Variants in CRADD observed in about 807,000 individuals in gnomAD.
The protein encoded by CRADD is death domain-containing protein CRADD.
CRADD carries 9 observed loss-of-function variants against 15.5 expected under a neutral mutation model. The observed-to-expected ratio is 0.58, with a 90% CI of 0.35 to 1.01. The LOEUF (loss-of-function observed/expected upper bound fraction) is 1.01. Ranked by LOEUF, CRADD falls within the 50% of genes least tolerant of loss-of-function variation. The pLI, the probability that CRADD is intolerant of heterozygous loss-of-function variation, is 0.02. For synonymous variants in CRADD, 118 were observed against 107.6 expected (o/e 1.10, Z -0.60); for missense variants, 227 against 250.3 (o/e 0.91, Z 0.63).
intron 2 of CRADD, among the ~76,000 whole-genome samples, chr12:93,890,789 C>T (rs1410199740): frequency 2.3e-4 from 34 of 149,046 alleles, no homozygotes; most frequent in Non-Finnish European, 1.2e-4. Flanking sequence ...GACAGAGTCT[C>T]CCTCTGTCAC....
chr12:93,802,342 G>A (rs531292599), intron 2 of CRADD, among the ~76,000 whole-genome samples: 22 of 152,266 alleles, frequency 1.4e-4, no homozygotes, highest in African/African-American at 5.3e-4. Context: ...CCACATCCAT[G>A]CCCACATCTA....
At chr12:93,828,795 T>G (rs911028791) in intron 2 of CRADD, among the ~76,000 whole-genome samples, 18 of 152,358 alleles carry the variant, frequency 1.2e-4, no homozygotes, top group African/African-American at 4.3e-4. Flanking sequence ...TCAAAATTAT[T>G]TTGGCTCTTC....
rs1957326398 is a variant in CRADD, at chr12:93,789,608, G to A, written c.299-60362G>A. 2.0e-5 allele frequency among the ~76,000 whole-genome samples: 3 copies of A among 152,176 alleles called. No homozygotes were observed. The East Asian group carries it at 5.8e-4, about 29-fold the overall frequency. Reference sequence around the variant, plus strand: ...ATGAGGCATAGAGTGTGGTGGAAGGGAGGGATGACAAAGGGGCAGGCAGAG... The same window carrying A: ...ATGAGGCATAGAGTGTGGTGGAAGGAAGGGATGACAAAGGGGCAGGCAGAG... On this transcript the variant is annotated intron_variant, in intron 2 of 2. Transcript: ENST00000332896.
At chr12:93,890,797 C>A (rs1463408769) in intron 2 of CRADD, among the ~76,000 whole-genome samples, 1 of 149,034 alleles carries the variant, frequency 6.7e-6, no homozygotes, top group Non-Finnish European at 1.5e-5. Context: ...CTCCCTCTGT[C>A]ACCCAGGCTA....
intron 2 of CRADD, chr12:93,737,603 C>T (rs1956593340): frequency 6.6e-6 from 1 of 152,164 alleles, no homozygotes; most frequent in East Asian, 1.9e-4. Context: ...TTCAGTGTCA[C>T]CTTTTCTCCA....
downstream of CRADD, among the ~76,000 whole-genome samples, chr12:93,852,057 T>G (rs1485618669): frequency 3.3e-5 from 5 of 152,238 alleles, no homozygotes; most frequent in Non-Finnish European, 7.3e-5. Context: ...GCCCAGCCAA[T>G]AATTCATTAT....
At chr12:93,778,614 A>G (rs1957165452) in intron 2 of CRADD, among the ~76,000 whole-genome samples, 1 of 152,152 alleles carries the variant, frequency 6.6e-6, no homozygotes, top group South Asian at 2.1e-4. Flanking sequence ...TGAAGAATAA[A>G]ATGTTGACAG....
chr12:93,778,894 T>G (rs1957169523), intron 2 of CRADD, among the ~76,000 whole-genome samples: 1 of 152,196 alleles, frequency 6.6e-6, no homozygotes, highest in African/African-American at 2.4e-5. Flanking sequence ...CACCACTTAC[T>G]GAGTTGAGGG....
At chr12:93,861,974 G>A (rs577302295) in intron 2 of CRADD, among the ~76,000 whole-genome samples, 110 of 152,176 alleles carry the variant, frequency 7.2e-4, no homozygotes, top group Non-Finnish European at 7.2e-4. Flanking sequence ...TACTTTTCTC[G>A]TGGTAGTGAG....
At chr12:93,842,127 T>TG (rs1339392790) in intron 2 of CRADD, among the ~76,000 whole-genome samples, 1 of 25,218 alleles carries the variant, frequency 4.0e-5, no homozygotes, top group Non-Finnish European at 1.3e-4. Flanking sequence ...GCACCTCTTC[T>TG]TAGCCGTTGG....
intron 2 of CRADD, among the ~76,000 whole-genome samples, chr12:93,709,237 G>A (rs1398609501): frequency 3.3e-5 from 5 of 152,212 alleles, no homozygotes; most frequent in African/African-American, 4.8e-5. Context: ...GCTTGCACAG[G>A]AAGTGATTTA....
intron 2 of CRADD, among the ~76,000 whole-genome samples, chr12:93,882,019 G>T (rs2137073602): frequency 6.6e-6 from 1 of 152,234 alleles, no homozygotes; most frequent in South Asian, 2.1e-4. Flanking sequence ...AGCTACTTGG[G>T]AGGCTGAGGC....
chr12:93,775,472 G>T (rs1273568412), intron 2 of CRADD, among the ~76,000 whole-genome samples: 1 of 152,190 alleles, frequency 6.6e-6, no homozygotes, highest in Non-Finnish European at 1.5e-5. Context: ...GAGTTTTGGA[G>T]GGCTGATGGA....
At chr12:93,828,682 A>G (rs1469658367) in intron 2 of CRADD, among the ~76,000 whole-genome samples, 4 of 152,178 alleles carry the variant, frequency 2.6e-5, no homozygotes, top group African/African-American at 9.7e-5. Flanking sequence ...CTCCTGTTTT[A>G]TTGATCTATT....
At chr12:93,723,549 T>C (rs1227371764) in intron 2 of CRADD, among the ~76,000 whole-genome samples, 1 of 152,200 alleles carries the variant, frequency 6.6e-6, no homozygotes, top group East Asian at 1.9e-4. Flanking sequence ...CAAATTATCC[T>C]TGAAGAACCA....
intron 2 of CRADD, among the ~76,000 whole-genome samples, chr12:93,712,874 G>A (rs866578070): frequency 6.6e-6 from 1 of 152,100 alleles, no homozygotes; most frequent in African/African-American, 2.4e-5. Context: ...GAGAAAAGAG[G>A]CCTGGAGAAA....
chr12:93,701,911 A>G, intron 2 of CRADD, among the ~76,000 whole-genome samples: 1 of 151,118 alleles, frequency 6.6e-6, no homozygotes, highest in East Asian at 1.9e-4. Context: ...TTCAGAGCCT[A>G]ATTCCTTTCT....
At chr12:93,684,512 G>T (rs1298895072) in intron 2 of CRADD, among the ~76,000 whole-genome samples, 1 of 152,184 alleles carries the variant, frequency 6.6e-6, no homozygotes, top group Non-Finnish European at 1.5e-5. Context: ...ATAGGCCACG[G>T]ACCGGTATGG....
At chr12:93,718,014 C>G (rs1035042609) in intron 2 of CRADD, among the ~76,000 whole-genome samples, 1 of 152,188 alleles carries the variant, frequency 6.6e-6, no homozygotes, top group Non-Finnish European at 1.5e-5. Flanking sequence ...TTTGGGTTCT[C>G]TGTTCTATTC....
Sources: gnomAD v4.1 joint callset for allele counts (sites outside exome capture counted in the v4.1 genomes callset) on GRCh38, gnomAD v4.1.1 for gene constraint, MANE v1.5 for transcripts, NCBI Gene and HGNC (gene_info 2026-07-23, HGNC 2026-07-21) for gene names.